DOCK8: variants seen among roughly 807,000 people sequenced by gnomAD.
DOCK8 encodes dedicator of cytokinesis 8, also known as dedicator of cytokinesis protein 8.
In DOCK8, 141 loss-of-function variants were observed where a neutral mutation model predicts 245.6. The ratio of observed to expected loss-of-function variants is 0.57; its 90% CI spans 0.50 to 0.66. DOCK8 has a LOEUF of 0.66. Among genes scored for constraint, DOCK8 ranks in the 30% least tolerant of loss-of-function variants. DOCK8 has a pLI of 0.00. For missense variants in DOCK8, 2,965 were observed against 2,603.4 expected (o/e 1.14, Z -3.02); for synonymous variants, 1,168 against 970.2 (o/e 1.20, Z -3.79).
chr9:288,671 C>T (rs549750409), intron 3 of DOCK8, among the ~76,000 whole-genome samples: 53 of 152,208 alleles, frequency 3.5e-4, no homozygotes, highest in Non-Finnish European at 6.8e-4. Context: ...ACTACTCTAA[C>T]AGCTTTAAGG....
At chr9:391,949 G>C (rs1296218005) in intron 24 of DOCK8, among the ~76,000 whole-genome samples, 1 of 151,118 alleles carries the variant, frequency 6.6e-6, no homozygotes, top group Non-Finnish European at 1.5e-5. Flanking sequence ...GACCAGCCTG[G>C]CCAACGTGAC....
At chr9:358,709 T>C (rs2052571831) in intron 14 of DOCK8, among the ~76,000 whole-genome samples, 7 of 151,934 alleles carry the variant, frequency 4.6e-5, no homozygotes, top group South Asian at 2.1e-4. Flanking sequence ...ATTAGCCAGG[T>C]GTGGTGGCAT....
At chr9:241,360 C>T (rs1238831540) in intron 1 of DOCK8, among the ~76,000 whole-genome samples, 3 of 152,152 alleles carry the variant, frequency 2.0e-5, no homozygotes, top group African/African-American at 7.2e-5. Flanking sequence ...TATCCCTTAA[C>T]AAATCTCTCC....
At chr9:271,781 C>A in intron 2 of DOCK8, 52 bp downstream of exon 2, 1 of 1,323,518 alleles carries the variant, frequency 7.6e-7, no homozygotes, top group Non-Finnish European at 1.1e-6. Flanking sequence ...CAAAAGTGCC[C>A]AGGGTATGTG....
chr9:308,969 T>C (rs1018750453), intron 5 of DOCK8, among the ~76,000 whole-genome samples: 1 of 152,238 alleles, frequency 6.6e-6, no homozygotes, highest in African/African-American at 2.4e-5. Flanking sequence ...GTTCTTTCTT[T>C]TAATGGCTAC....
chr9:409,033 C>G (rs1269416462), intron 28 of DOCK8, among the ~76,000 whole-genome samples: 2 of 152,190 alleles, frequency 1.3e-5, no homozygotes, highest in Non-Finnish European at 2.9e-5. Context: ...TACACTGTCA[C>G]AACTTCATCA....
At chr9:287,969 T>A (rs2130319718) in intron 3 of DOCK8, among the ~76,000 whole-genome samples, 1 of 152,144 alleles carries the variant, frequency 6.6e-6, no homozygotes, top group East Asian at 1.9e-4. Context: ...AGCCCAGGAA[T>A]TTGAGTTCAG....
intron 1 of DOCK8, among the ~76,000 whole-genome samples, chr9:259,985 C>G (rs947831341): frequency 6.6e-6 from 1 of 152,204 alleles, no homozygotes; most frequent in Non-Finnish European, 1.5e-5. Context: ...TGTTCCCAGA[C>G]CACAGATTAT....
At position 403,361 on chromosome 9, in the gene DOCK8, A is replaced by G. The variant is rs546666830; in HGVS notation, c.3235-1557A>G. Among the ~76,000 whole-genome samples the G allele has an allele frequency of 7.2e-5, 11 of 152,338 alleles. No homozygotes were observed. The South Asian group carries it at 2.1e-3, about 29-fold the overall frequency. On this transcript the variant is annotated intron_variant, in intron 26 of 47. Transcript: ENST00000432829. ...ACATGACCAAGTTCTAATCCCTTCA[A>G]TGTGCTGGTGGCTCCACTGGTCCAA...
At chr9:296,408 C>A (rs2049261490) in intron 4 of DOCK8, among the ~76,000 whole-genome samples, 1 of 152,162 alleles carries the variant, frequency 6.6e-6, no homozygotes, top group African/African-American at 2.4e-5. Flanking sequence ...TATATTTATT[C>A]TTGCCGCAGA....
At chr9:429,652 G>T in intron 35 of DOCK8, 50 bp from the exon 36 acceptor site, 2 of 1,610,626 alleles carry the variant, frequency 1.2e-6, no homozygotes. Context: ...GGTCCAGAAA[G>T]TGTATCAAAC....
intron 26 of DOCK8, among the ~76,000 whole-genome samples, chr9:401,368 C>G (rs909709161): frequency 2.0e-5 from 3 of 152,070 alleles, no homozygotes; most frequent in Admixed American, 6.5e-5. Flanking sequence ...AGGGGACCAT[C>G]CAGAGGAGCA....
At chr9:410,064 T>C (rs999223710) in intron 28 of DOCK8, among the ~76,000 whole-genome samples, 1 of 152,184 alleles carries the variant, frequency 6.6e-6, no homozygotes, top group Non-Finnish European at 1.5e-5. Context: ...CGGCAAGATG[T>C]ATATTTTTAA....
rs1446649538 is a variant in DOCK8, at chr9:340,227, C to G, written c.1585C>G (p.Pro529Ala). The change falls in exon 14 of 48, where the codon CCC (proline) becomes GCC (alanine). Residue 529 changes from proline to alanine, a missense_variant. By Grantham distance (27) the Pro-to-Ala change is conservative. Around this residue, in one of 3 missense-constraint regions of DOCK8, gnomAD observed 2,825 missense variants for 2,453.5 expected, o/e 1.15. Coordinates refer to ENST00000432829, the MANE Select transcript of DOCK8 (RefSeq NM_203447.4). ...TTGCTGTCTGACTCCTGAAATGCTG[C>G]CCGTGAAACCCTTTCCTGAAAACCG... ...INCCLTPEMLPVKPFPENRTR... is the reference protein window; with the variant it reads ...INCCLTPEMLAVKPFPENRTR... 6.2e-7 allele frequency: 1 copy of G among 1,613,990 alleles called. No individual in the cohort carries two copies. Among genetic ancestry groups the G allele is most frequent in the Non-Finnish European group, 8.5e-7 (1 of 1,180,004 alleles).
intron 1 of DOCK8, among the ~76,000 whole-genome samples, chr9:249,768 C>T (rs909831651): frequency 4.6e-5 from 7 of 150,570 alleles, no homozygotes; most frequent in African/African-American, 1.7e-4. Context: ...CAGGTGCCCA[C>T]CACCATGCCT....
chr9:337,005 C>A (rs962451244), intron 12 of DOCK8, among the ~76,000 whole-genome samples: 1 of 152,104 alleles, frequency 6.6e-6, no homozygotes, highest in Non-Finnish European at 1.5e-5. Flanking sequence ...AGGTGGAGCA[C>A]GGTGAGCAGC....
At chr9:248,321 T>A (rs1261158222) in intron 1 of DOCK8, among the ~76,000 whole-genome samples, 7 of 152,252 alleles carry the variant, frequency 4.6e-5, no homozygotes, top group Admixed American at 2.6e-4. Context: ...ACATTCTGTC[T>A]TTATAAGGCC....
chr9:216,618 T>G (rs2046761152), intron 1 of DOCK8, among the ~76,000 whole-genome samples: 1 of 151,330 alleles, frequency 6.6e-6, no homozygotes, highest in Admixed American at 6.6e-5. Context: ...TACATTAAGG[T>G]TCATAGCTGT....
rs1020721431 is a variant in DOCK8, at chr9:304,498, A to C, written c.405-83A>C. 43 of 1,571,254 alleles carry C rather than the reference A, an allele frequency of 2.7e-5. No individual in the cohort carries two copies. In the East Asian group the frequency reaches 9.6e-4, roughly 35 times the overall value. ...TCTCTCAGCACCATGTCTACACTTA[A>C]GCCATTACTTTTATTTTTAATCTAA... On this transcript the variant is annotated intron_variant, in intron 4 of 47. Transcript: ENST00000432829.
Sources: gnomAD v4.1 joint callset for allele counts (sites outside exome capture counted in the v4.1 genomes callset) on GRCh38, gnomAD v4.1.1 for gene constraint, gnomAD v4.1.1 regional missense constraint, MANE v1.5 for transcripts, NCBI Gene and HGNC (gene_info 2026-07-23, HGNC 2026-07-21) for gene names.